The following GSG1L variants were observed in gnomAD, a reference collection of about 807,000 sequenced individuals.
The protein encoded by GSG1L is germ cell-specific gene 1-like protein.
GSG1L carries 24 observed loss-of-function variants against 42.1 expected under a neutral mutation model. That is an observed-to-expected ratio of 0.57 (90% confidence interval 0.41 to 0.80). GSG1L has a LOEUF of 0.80. GSG1L is among the 30% of genes least tolerant of loss of function. GSG1L has a pLI of 0.00. For missense variants in GSG1L, 445 were observed against 472.2 expected (o/e 0.94, Z 0.53); for synonymous variants, 215 against 203.5 (o/e 1.06, Z -0.48).
intron 1 of GSG1L, among the ~76,000 whole-genome samples, chr16:28,003,626 G>A (rs2085604426): frequency 6.6e-6 from 1 of 152,188 alleles, no homozygotes; most frequent in Admixed American, 6.5e-5. Flanking sequence ...ACTGATGTTG[G>A]GGAAGCTCCC....
At chr16:27,824,965 G>A (rs1178590379) in intron 5 of GSG1L, among the ~76,000 whole-genome samples, 1 of 152,234 alleles carries the variant, frequency 6.6e-6, no homozygotes, top group Non-Finnish European at 1.5e-5. Flanking sequence ...TGCCATGCTG[G>A]GCATTGCCAC....
chr16:27,857,319 T>C (rs2083591401), intron 3 of GSG1L, among the ~76,000 whole-genome samples: 1 of 151,346 alleles, frequency 6.6e-6, no homozygotes, highest in Admixed American at 6.6e-5. Flanking sequence ...CCCCAGCTAC[T>C]TGGGAGGCTG....
intron 3 of GSG1L, among the ~76,000 whole-genome samples, chr16:27,868,256 C>G (rs1336135149): frequency 6.6e-6 from 1 of 152,250 alleles, no homozygotes; most frequent in South Asian, 2.1e-4. Context: ...TCCCACCTCC[C>G]GAAGACTCAC....
Position 28,059,803 on chromosome 16 carries a change from C to A in GSG1L, c.349+3273G>T, listed in dbSNP as rs1049453022. Among the ~76,000 whole-genome samples, 1 of 152,122 alleles carries A rather than the reference C, an allele frequency of 6.6e-6. No individual in the cohort carries two copies. Among genetic ancestry groups the A allele is most frequent in the Non-Finnish European group, 1.5e-5 (1 of 68,040 alleles). On this transcript the variant is annotated intron_variant, in intron 1 of 6. Transcript: ENST00000447459. The surrounding 1 kb of genome is among the most constrained non-coding windows in gnomAD (Gnocchi z 4.4). ...GCTTCCCTTTCTGTTTGTGGAAGGA[C>A]GCGGGTGCTCTTCTTGGAGCAAGGA...
At chr16:27,914,742 T>C (rs956476299) in intron 2 of GSG1L, among the ~76,000 whole-genome samples, 1 of 152,080 alleles carries the variant, frequency 6.6e-6, no homozygotes, top group African/African-American at 2.4e-5. Flanking sequence ...GCATGTAAGT[T>C]GCATTCCCGA....
At position 27,884,631 on chromosome 16, in the gene GSG1L, C is replaced by T. The variant is rs774106273; in HGVS notation, c.405G>A (p.Leu135=). 1.3e-6 allele frequency: 2 copies of T among 1,583,796 alleles called. No homozygotes were observed. The highest frequency in any genetic ancestry group is 1.7e-6 in the Non-Finnish European group (2 of 1,164,722). ...DLAPASEKGV[L]WLSVVSEVLY... ...GCACCTCGGAGACCACAGACAGCCA[C>T]AGGACCCCTGTCCAACAGAGGCAGA... The change falls in exon 3 of 7, where the codon CTG becomes CTA. Residue 135 remains leucine, a synonymous_variant. Coordinates refer to ENST00000447459, the MANE Select transcript of GSG1L (RefSeq NM_001109763.2). This position sits in a 1 kb window ranked among gnomAD's most constrained non-coding sequence, Gnocchi z 4.4.
chr16:27,846,975 AT>A (rs921150911), intron 3 of GSG1L, among the ~76,000 whole-genome samples: 4 of 150,690 alleles, frequency 2.7e-5, no homozygotes, highest in African/African-American at 4.9e-5. Flanking sequence ...AAAAAAAAAA[AT>A]CTGAACCTTG....
At chr16:28,042,566 G>A (rs907323033) in intron 1 of GSG1L, among the ~76,000 whole-genome samples, 3 of 152,124 alleles carry the variant, frequency 2.0e-5, no homozygotes, top group Admixed American at 2.0e-4. Flanking sequence ...CCAGGTGAAA[G>A]GCGAGAAGTA....
intron 3 of GSG1L, among the ~76,000 whole-genome samples, chr16:27,881,106 A>G (rs867171168): frequency 6.6e-6 from 1 of 152,212 alleles, no homozygotes; most frequent in African/African-American, 2.4e-5. Context: ...AATGAAATAC[A>G]TAGTACAGAA....
At chr16:28,052,535 G>A (rs1320048240) in intron 1 of GSG1L, among the ~76,000 whole-genome samples, 1 of 152,096 alleles carries the variant, frequency 6.6e-6, no homozygotes, top group Non-Finnish European at 1.5e-5. Context: ...AAGCAGGATG[G>A]TCCGTGCCAC....
rs905355162 is a variant in GSG1L, at chr16:27,825,077, A to G, written c.830+3712T>C. On this transcript the variant is annotated intron_variant, in intron 5 of 6. Transcript: ENST00000447459. ...TTGAACACCTGACCTACACCGAGCA[A>G]TCACATCCTCTCTCCTGGGGCTTTG... Among the ~76,000 whole-genome samples, 8 of 152,304 alleles carry G rather than the reference A, an allele frequency of 5.3e-5. No homozygotes were observed. The South Asian group carries it at 1.0e-3, about 20-fold the overall frequency.
intron 2 of GSG1L, among the ~76,000 whole-genome samples, chr16:27,929,286 C>T (rs1324634126): frequency 1.3e-5 from 2 of 152,194 alleles, no homozygotes; most frequent in African/African-American, 2.4e-5. Flanking sequence ...CCCCAACCCT[C>T]GGTCCTGATG....
chr16:27,939,336 C>T lies in GSG1L; in HGVS notation c.397+23820G>A, dbSNP rs978866137. Among the ~76,000 whole-genome samples, 9 of 152,034 alleles carry T rather than the reference C, an allele frequency of 5.9e-5. 1 individual carries two copies. Among genetic ancestry groups the T allele is most frequent in the Admixed American group, 5.9e-4 (9 of 15,262 alleles). On this transcript the variant is annotated intron_variant, in intron 2 of 6. Transcript: ENST00000447459. ...AGAGGTGGAGTTTCACTATGTTGCCCAGGCTGGTCTCAAACTCCTGGACTC... is the reference window on the plus strand; with the variant it reads ...AGAGGTGGAGTTTCACTATGTTGCCTAGGCTGGTCTCAAACTCCTGGACTC...
intron 5 of GSG1L, among the ~76,000 whole-genome samples, chr16:27,815,552 G>T (rs1187517611): frequency 2.0e-5 from 3 of 152,142 alleles, no homozygotes; most frequent in Non-Finnish European, 4.4e-5. Context: ...GTCCTTGAAG[G>T]GCTGATGGGG....
chr16:28,025,536 C>T (rs2085891161), intron 1 of GSG1L, among the ~76,000 whole-genome samples: 1 of 152,220 alleles, frequency 6.6e-6, no homozygotes, highest in Non-Finnish European at 1.5e-5. Flanking sequence ...TCCCTGGCTC[C>T]GCAGGCCCCC....
intron 1 of GSG1L, among the ~76,000 whole-genome samples, chr16:28,035,616 G>A (rs983664570): frequency 3.3e-5 from 5 of 152,092 alleles, no homozygotes; most frequent in Non-Finnish European, 5.9e-5. Flanking sequence ...TAATAGCCCC[G>A]ACCTCCACAC....
intron 6 of GSG1L, among the ~76,000 whole-genome samples, chr16:27,793,358 G>T (rs2082776296): frequency 6.6e-6 from 1 of 152,142 alleles, no homozygotes; most frequent in South Asian, 2.1e-4. Context: ...TTTATTAAGG[G>T]GTGGGAAACA....
At chr16:27,840,849 G>T (rs150659539) in intron 4 of GSG1L, among the ~76,000 whole-genome samples, 2 of 151,968 alleles carry the variant, frequency 1.3e-5, no homozygotes, top group African/African-American at 4.8e-5. Flanking sequence ...GCCAGCCACC[G>T]CCAGCCGGCA....
intron 1 of GSG1L, among the ~76,000 whole-genome samples, chr16:28,006,861 G>T (rs1346327911): frequency 6.6e-6 from 1 of 152,198 alleles, no homozygotes; most frequent in Non-Finnish European, 1.5e-5. Flanking sequence ...CAACCATGGA[G>T]AGGCCGGCCC....
Sources: gnomAD v4.1 joint callset for allele counts (sites outside exome capture counted in the v4.1 genomes callset) on GRCh38, gnomAD v4.1.1 for gene constraint, Gnocchi (gnomAD v3.1) non-coding constraint, MANE v1.5 for transcripts, NCBI Gene and HGNC (gene_info 2026-07-23, HGNC 2026-07-21) for gene names.